AFF3: variants seen among roughly 807,000 people sequenced by gnomAD.
AFF3 encodes AF4/FMR2 family member 3.
In AFF3, 32 loss-of-function variants were observed where a neutral mutation model predicts 129.7. That is an observed-to-expected ratio of 0.25 (90% confidence interval 0.19 to 0.33). The LOEUF is 0.33. Among genes scored for constraint, AFF3 ranks in the 10% least tolerant of loss-of-function variants. AFF3 has a pLI of 1.00. For synonymous variants in AFF3, 644 were observed against 635.4 expected (o/e 1.01, Z -0.20); for missense variants, 1,373 against 1,592.0 (o/e 0.86, Z 2.34).
At chr2:99,857,986 C>T (rs1357857949) in intron 7 of AFF3, among the ~76,000 whole-genome samples, 1 of 152,202 alleles carries the variant, frequency 6.6e-6, no homozygotes, top group Non-Finnish European at 1.5e-5. Context: ...TCCCCTACCC[C>T]TTGAGTTTGG....
intron 8 of AFF3, among the ~76,000 whole-genome samples, chr2:99,826,730 C>A (rs769415689): frequency 1.3e-5 from 2 of 152,206 alleles, no homozygotes; most frequent in South Asian, 2.1e-4. Context: ...ACAGCATGTG[C>A]GACTCTGCAA....
intron 7 of AFF3, among the ~76,000 whole-genome samples, chr2:99,844,506 C>T (rs893864716): frequency 3.6e-5 from 5 of 138,626 alleles, no homozygotes; most frequent in Admixed American, 1.6e-4. Context: ...GGCGCCATCT[C>T]GGCTCACTGC....
intron 11 of AFF3, among the ~76,000 whole-genome samples, chr2:99,690,250 G>C (rs970879522): frequency 6.8e-6 from 1 of 147,482 alleles, no homozygotes; most frequent in Non-Finnish European, 1.5e-5. Context: ...GCGCGATCTC[G>C]GCTCACTGCA....
chr2:99,834,316 T>C (rs564543762), intron 8 of AFF3, among the ~76,000 whole-genome samples: 1 of 152,216 alleles, frequency 6.6e-6, no homozygotes, highest in African/African-American at 2.4e-5. Flanking sequence ...TTCACTTCAG[T>C]TTCCTCATCT....
chr2:99,836,656 A>C (rs1688897335), intron 8 of AFF3, among the ~76,000 whole-genome samples: 4 of 152,184 alleles, frequency 2.6e-5, no homozygotes, highest in Admixed American at 2.6e-4. Flanking sequence ...TAGCAATTAA[A>C]AAAAAGTGTG....
chr2:99,883,398 C>T (rs955545059), intron 7 of AFF3, among the ~76,000 whole-genome samples: 1 of 152,170 alleles, frequency 6.6e-6, no homozygotes, highest in Non-Finnish European at 1.5e-5. Flanking sequence ...AAGCCCCATG[C>T]TATATGACTG....
intron 11 of AFF3, among the ~76,000 whole-genome samples, chr2:99,723,711 C>G (rs574977245): frequency 2.6e-5 from 4 of 152,258 alleles, no homozygotes; most frequent in Admixed American, 2.6e-4. Context: ...TGTTACAGGC[C>G]AAACTACTTC....
intron 23 of AFF3, 39 bp from the exon 24 acceptor site, chr2:99,554,573 CGGGAGCAAGCGAGGCA>C (rs1486141459): frequency 1.9e-6 from 3 of 1,607,480 alleles, no homozygotes; most frequent in African/African-American, 1.3e-5. Context: ...GTGGCGAGGT[CGGGAGCAAGCGAGGCA>C]GGGCAGCCCC....
chr2:99,928,018 T>TTG (rs770068368), intron 7 of AFF3, among the ~76,000 whole-genome samples: 2 of 152,022 alleles, frequency 1.3e-5, no homozygotes, highest in Admixed American at 6.6e-5. Flanking sequence ...CTACACAAGC[T>TTG]CTCTCTCTGC....
intron 8 of AFF3, among the ~76,000 whole-genome samples, chr2:99,799,888 G>T (rs969062394): frequency 1.6e-4 from 24 of 152,088 alleles, no homozygotes; most frequent in Admixed American, 1.3e-4. Flanking sequence ...GGAATAACTG[G>T]ATACTCATGT....
At chr2:99,859,572 A>G (rs142224832) in intron 7 of AFF3, among the ~76,000 whole-genome samples, 1 of 152,316 alleles carries the variant, frequency 6.6e-6, no homozygotes. Flanking sequence ...ATGATTATCC[A>G]CCATCATCTA....
At chr2:100,004,819 C>G (rs1681807729) in intron 7 of AFF3, among the ~76,000 whole-genome samples, 1 of 151,580 alleles carries the variant, frequency 6.6e-6, no homozygotes, top group Non-Finnish European at 1.5e-5. Flanking sequence ...TCCTAATATG[C>G]AGTGCTTTTA....
intron 11 of AFF3, among the ~76,000 whole-genome samples, chr2:99,725,475 G>A (rs148324365): frequency 0.018 from 2,804 of 152,156 alleles, 82 homozygotes; most frequent in African/African-American, 0.063. Flanking sequence ...GATTACAGGT[G>A]TCTGCCACCA....
At chr2:99,590,222 T>C (rs1678534484) in intron 15 of AFF3, among the ~76,000 whole-genome samples, 1 of 152,188 alleles carries the variant, frequency 6.6e-6, no homozygotes, top group South Asian at 2.1e-4. Flanking sequence ...AGGCCCCTTC[T>C]TGGGGCAAGG....
intron 7 of AFF3, among the ~76,000 whole-genome samples, chr2:100,002,234 T>A (rs1047788757): frequency 3.9e-5 from 6 of 152,212 alleles, no homozygotes; most frequent in Non-Finnish European, 8.8e-5. Context: ...ACAGATGCCT[T>A]TTTTGCCCGA....
Position 100,007,376 on chromosome 2 carries a change from A to C in AFF3, c.259T>G (p.Ser87Ala). The C allele has an allele frequency of 6.2e-7, 1 of 1,614,104 alleles. No individual in the cohort carries two copies. ...DEMKDFLTDR[S>A]NQSHLVGVPK... ...ACTCCAACGAGATGACTCTGATTGGATCTATCAGTTAAAAAGTCTTTCATT... is the reference window on the plus strand; with the variant it reads ...ACTCCAACGAGATGACTCTGATTGGCTCTATCAGTTAAAAAGTCTTTCATT... Residue 87 changes from serine (S) to alanine (A), a missense_variant, in exon 6 of 25, where the codon TCC (serine) becomes GCC (alanine). Physicochemically the swap from Ser to Ala is moderately conservative, Grantham distance 99. Transcript: ENST00000672756.
chr2:99,680,689 T>C (rs957512607), intron 11 of AFF3, among the ~76,000 whole-genome samples: 5 of 152,206 alleles, frequency 3.3e-5, no homozygotes, highest in Non-Finnish European at 5.9e-5. Context: ...TAAGAATGCA[T>C]TGAATCTGTA....
In AFF3 at chr2:99,546,356, C is replaced by T. The variant is rs1034419225; in HGVS notation, c.*5118G>A. 3 of 232,806 alleles carry T rather than the reference C, an allele frequency of 1.3e-5. No homozygotes were observed. The highest frequency in any genetic ancestry group is 1.7e-5 in the Non-Finnish European group (2 of 117,898). The allele number at this position is 232,806 out of a possible 1,614,324, so 14.4% of individuals were successfully genotyped here. On this transcript the variant is annotated 3_prime_UTR_variant, in exon 25 of 25. Transcript: ENST00000672756. The stretch of plus-strand genomic sequence containing the variant: ...ACCCATCTCTGGGATGAGGAGTTCT[C>T]CATGGTGACCCTGAGTCAGGCTTCT...
intron 7 of AFF3, among the ~76,000 whole-genome samples, chr2:99,998,528 C>A (rs1016009507): frequency 6.6e-6 from 1 of 152,086 alleles, no homozygotes; most frequent in Non-Finnish European, 1.5e-5. Context: ...TTTGTCAGGG[C>A]TTATAGAGAG....
Sources: gnomAD v4.1 joint callset for allele counts (sites outside exome capture counted in the v4.1 genomes callset) on GRCh38, gnomAD v4.1.1 for gene constraint, MANE v1.5 for transcripts, NCBI Gene and HGNC (gene_info 2026-07-23, HGNC 2026-07-21) for gene names.